The following PAX3 variants were observed in gnomAD, a reference collection of about 807,000 sequenced individuals.
PAX3 encodes paired box 3.
In PAX3, 14 loss-of-function variants were observed where a neutral mutation model predicts 51.6. The ratio of observed to expected loss-of-function variants is 0.27; its 90% CI spans 0.18 to 0.42. The LOEUF (loss-of-function observed/expected upper bound fraction) is 0.42, where lower values mean the gene tolerates loss of function less well. PAX3 is among the 10% of genes least tolerant of loss of function. The pLI, the probability that PAX3 is intolerant of heterozygous loss-of-function variation, is 1.00. For synonymous variants in PAX3, 280 were observed against 253.4 expected, an observed-to-expected ratio of 1.11 and a Z score of -1.00; for missense variants, 540 against 642.8, an observed-to-expected ratio of 0.84 and a Z score of 1.73.
intron 4 of PAX3, among the ~76,000 whole-genome samples, chr2:222,290,411 G>T (rs1489384894): frequency 2.0e-5 from 3 of 152,158 alleles, no homozygotes; most frequent in Non-Finnish European, 4.4e-5. Flanking sequence ...GATAGGAAAG[G>T]AATATAAGCC....
At chr2:222,211,817 G>A (rs1288530443) in intron 7 of PAX3, among the ~76,000 whole-genome samples, 1 of 152,170 alleles carries the variant, frequency 6.6e-6, no homozygotes, top group Non-Finnish European at 1.5e-5. Context: ...AGGGCCTTTA[G>A]TAGGCTAATG....
At chr2:222,245,825 A>AAC (rs1400737408) in intron 4 of PAX3, among the ~76,000 whole-genome samples, 1 of 151,196 alleles carries the variant, frequency 6.6e-6, no homozygotes, top group African/African-American at 2.4e-5. Context: ...CAAAAAAAAA[A>AAC]AAAAAATTAG....
chr2:222,211,664 G>A (rs1027466211), intron 7 of PAX3, among the ~76,000 whole-genome samples: 10 of 152,148 alleles, frequency 6.6e-5, no homozygotes, highest in African/African-American at 1.4e-4. Flanking sequence ...AGGTCTCCAC[G>A]TGGGTTTTCC....
intron 7 of PAX3, among the ~76,000 whole-genome samples, chr2:222,207,428 G>C (rs1002227880): frequency 6.6e-6 from 1 of 152,190 alleles, no homozygotes; most frequent in Non-Finnish European, 1.5e-5. Flanking sequence ...GAGAGTTAGG[G>C]AAAGGCCAAG....
chr2:222,207,911 G>C (rs1691573860), intron 7 of PAX3, among the ~76,000 whole-genome samples: 2 of 151,614 alleles, frequency 1.3e-5, no homozygotes, highest in Admixed American at 1.3e-4. Flanking sequence ...TGTGAATTAT[G>C]ATTTTGTATG....
chr2:222,293,777 T>A, intron 4 of PAX3: 1 of 1,614,110 alleles, frequency 6.2e-7, no homozygotes, highest in Non-Finnish European at 8.5e-7. Flanking sequence ...TAAAAGCTAC[T>A]TCAACTTCTG....
chr2:222,288,377 C>G (rs1234999119), intron 4 of PAX3, among the ~76,000 whole-genome samples: 2 of 152,192 alleles, frequency 1.3e-5, no homozygotes, highest in Non-Finnish European at 2.9e-5. Flanking sequence ...CATACATACA[C>G]ATAAACACAT....
chr2:222,232,066 G>T lies in PAX3; in HGVS notation c.792+12C>A. The T allele has an allele frequency of 6.2e-7, 1 of 1,612,436 alleles. No individual in the cohort carries two copies. The highest frequency in any genetic ancestry group is 8.5e-7 in the Non-Finnish European group (1 of 1,178,988). On this transcript the variant is annotated intron_variant, in intron 5 of 8. Coordinates refer to ENST00000392070, the MANE Select transcript of PAX3 (RefSeq NM_181458.4). ...GGACTGAAGTAGGACACGGAGGTTT[G>T]GGCAACAGTACCTGTACTCGGGCCT...
Position 222,212,102 on chromosome 2 carries a change from G to A in PAX3, c.1173+8038C>T, listed in dbSNP as rs577647654. Among the ~76,000 whole-genome samples, 8 of 152,208 alleles carry A rather than the reference G, an allele frequency of 5.3e-5. No individual in the cohort carries two copies. The South Asian group carries it at 1.0e-3, about 20-fold the overall frequency. ...AATATAATAATGTGGCATCAATAGA[G>A]GCTAAAAAAGAAATTTTGCCTGGAA... On this transcript the variant is annotated intron_variant, in intron 7 of 8. Coordinates refer to ENST00000392070, the MANE Select transcript of PAX3 (RefSeq NM_181458.4).
In PAX3 at chr2:222,202,150, T is replaced by G; in HGVS notation, c.1214A>C (p.Gln405Pro). The change falls in exon 8 of 9, where the codon CAG becomes CCG. Residue 405 changes from glutamine to proline, a missense_variant. By Grantham distance (76) the Gln-to-Pro change is moderately conservative. Transcript: ENST00000392070. ...GGAGAGCGCGTAATCAGTCTGGGGC[T>G]GATGAGGTACCCCACCGTGGTTGGT... ...LLTNHGGVPH[Q>P]PQTDYALSPL... 1.9e-6 allele frequency: 3 copies of G among 1,609,770 alleles called. No individual in the cohort carries two copies. Among genetic ancestry groups the G allele is most frequent in the Non-Finnish European group, 2.5e-6 (3 of 1,177,804 alleles).
At chr2:222,223,021 G>A (rs1345541063) in intron 5 of PAX3, among the ~76,000 whole-genome samples, 1 of 152,210 alleles carries the variant, frequency 6.6e-6, no homozygotes, top group Non-Finnish European at 1.5e-5. Flanking sequence ...CTTAAGAGAA[G>A]ATGAGAATTG....
At chr2:222,253,701 A>G (rs985860085) in intron 4 of PAX3, among the ~76,000 whole-genome samples, 1 of 150,414 alleles carries the variant, frequency 6.6e-6, no homozygotes, top group Non-Finnish European at 1.5e-5. Context: ...CCCAGTCTGG[A>G]GTGCAGTGTC....
At chr2:222,220,098 CTGG>C (rs1692126897) in intron 7 of PAX3, 39 bp downstream of exon 7, 4 of 1,535,024 alleles carry the variant, frequency 2.6e-6, no homozygotes, top group Non-Finnish European at 3.6e-6. Flanking sequence ...ATATTTGGTT[CTGG>C]TATACAGCAA....
At chr2:222,290,428 A>G (rs77239538) in intron 4 of PAX3, among the ~76,000 whole-genome samples, 386 of 152,340 alleles carry the variant, frequency 2.5e-3, no homozygotes, top group African/African-American at 9.0e-3. Context: ...AGCCCCCAAC[A>G]GACCTATGCT....
chr2:222,294,330 G>A, intron 3 of PAX3, 29 bp from the exon 4 acceptor site: 2 of 1,613,542 alleles, frequency 1.2e-6, no homozygotes, highest in Non-Finnish European at 1.7e-6. Context: ...AGGAAGCAAG[G>A]GAGCGCACAT....
chr2:222,264,422 C>T (rs1250533554), intron 4 of PAX3: 1 of 152,064 alleles, frequency 6.6e-6, no homozygotes, highest in Non-Finnish European at 1.5e-5. Flanking sequence ...TTAATGGGTC[C>T]CAGGTTTTCT....
At chr2:222,281,975 GGCACACTACATCCT>G (rs1447179852) in intron 4 of PAX3, among the ~76,000 whole-genome samples, 1 of 152,148 alleles carries the variant, frequency 6.6e-6, no homozygotes, top group Non-Finnish European at 1.5e-5. Flanking sequence ...CTGCCTTACT[GGCACACTACATCCT>G]GCACATTCCG....
chr2:222,222,813 G>A (rs1559265570), intron 5 of PAX3, among the ~76,000 whole-genome samples: 2 of 152,200 alleles, frequency 1.3e-5, no homozygotes, highest in Non-Finnish European at 1.5e-5. Flanking sequence ...CAGTCAAGGA[G>A]ACCAAAATAA....
chr2:222,233,091 A>C (rs1272502471), intron 4 of PAX3: 1 of 125,006 alleles, frequency 8.0e-6, no homozygotes, highest in Non-Finnish European at 1.8e-5. Flanking sequence ...AAAAAAAAAA[A>C]AAAAAAAAAA....
Sources: allele counts gnomAD v4.1 joint callset (sites outside exome capture counted in the v4.1 genomes callset), GRCh38; gene constraint gnomAD v4.1.1; transcripts MANE v1.5; gene names NCBI Gene and HGNC (gene_info 2026-07-23, HGNC 2026-07-21).